Variants in IPO9 observed in about 807,000 individuals in gnomAD.
The protein encoded by IPO9 is importin-9.
Under a neutral mutation model 128.6 loss-of-function variants are expected in IPO9, and 28 were observed. That is an observed-to-expected ratio of 0.22 (90% CI 0.16 to 0.30). The LOEUF is 0.30. Among genes scored for constraint, IPO9 ranks in the 10% least tolerant of loss-of-function variants. The probability of loss-of-function intolerance (pLI) is 1.00; values close to 1 mark genes in which losing one functional copy is unlikely to be tolerated. For missense variants in IPO9, 935 were observed against 1,293.9 expected (o/e 0.72, Z 4.26); for synonymous variants, 455 against 475.8 (o/e 0.96, Z 0.57).
chr1:201,852,909 T>G, intron 5 of IPO9, 102 bp from the exon 6 acceptor site: 5 of 885,688 alleles, frequency 5.6e-6, no homozygotes, highest in African/African-American at 1.6e-5. Context: ...CAATCTCATG[T>G]GAGGATTCAT....
At chr1:201,850,345 A>AGAG (rs1462490661) in intron 4 of IPO9, 1 of 152,264 alleles carries the variant, frequency 6.6e-6, no homozygotes, top group East Asian at 1.9e-4. Context: ...GTGGTTGGAC[A>AGAG]GAGGCCCATT....
chr1:201,860,316 A>G (rs1001161693), intron 13 of IPO9, among the ~76,000 whole-genome samples: 1 of 152,196 alleles, frequency 6.6e-6, no homozygotes, highest in African/African-American at 2.4e-5. Context: ...CTGAATCACA[A>G]ATTAAAATGG....
chr1:201,857,116 C>G lies in IPO9; in HGVS notation c.1143C>G (p.Asn381Lys). Residue 381 changes from asparagine to lysine, a missense_variant, in exon 11 of 24, where the codon AAC becomes AAG. Asn to Lys is a moderately conservative substitution (Grantham distance 94, BLOSUM62 0). This residue lies in a region of IPO9 where 741 missense variants were observed against 1,019.1 expected (regional missense o/e 0.73). Coordinates refer to ENST00000361565, the MANE Select transcript of IPO9 (RefSeq NM_018085.5). ...TTCAGATTAAAGTATGGACAGCCAA[C>G]CCCCAACAATTTGTAGAAGATGAAG... ...TEEQIKVWTA[N>K]PQQFVEDEDD... 6.2e-7 allele frequency: 1 copy of G among 1,611,064 alleles called. No homozygotes were observed. Among genetic ancestry groups the G allele is most frequent in the Non-Finnish European group, 8.5e-7 (1 of 1,177,208 alleles).
chr1:201,861,123 G>T (rs545931268), intron 13 of IPO9, among the ~76,000 whole-genome samples: 22 of 152,096 alleles, frequency 1.4e-4, no homozygotes, highest in Middle Eastern at 3.4e-3. Context: ...CCGAGATTGT[G>T]CCAGTGCGCT....
Position 201,877,567 on chromosome 1 carries a change from A to G in IPO9, c.*1513A>G, listed in dbSNP as rs1349660649. The G allele has an allele frequency of 1.3e-5, 2 of 151,978 alleles. No individual in the cohort carries two copies. The highest frequency in any genetic ancestry group is 2.9e-5 in the Non-Finnish European group (2 of 68,002). The allele number at this position is 151,978 out of a possible 1,614,324, so 9.4% of individuals were successfully genotyped here. On this transcript the variant is annotated 3_prime_UTR_variant, in exon 24 of 24. Coordinates refer to ENST00000361565, the MANE Select transcript of IPO9 (RefSeq NM_018085.5). ...TTCCCCTTTTTTTGGTAGTGCCCAC[A>G]TCTGGTGCCCCATTTTTAATAACCA...
At chr1:201,835,252 C>T (rs1359983954) in intron 1 of IPO9, among the ~76,000 whole-genome samples, 3 of 152,228 alleles carry the variant, frequency 2.0e-5, no homozygotes, top group African/African-American at 7.2e-5. Flanking sequence ...GGAGACCCTT[C>T]AGACCAATAG....
chr1:201,860,648 A>G (rs979202261), intron 13 of IPO9, among the ~76,000 whole-genome samples: 7 of 152,242 alleles, frequency 4.6e-5, no homozygotes, highest in Non-Finnish European at 7.3e-5. Flanking sequence ...ACCTGTAGCT[A>G]AAACCTTTTC....
At chr1:201,854,415 G>T (rs545991513) in intron 6 of IPO9, among the ~76,000 whole-genome samples, 180 bp from the exon 7 acceptor site, 1 of 152,294 alleles carries the variant, frequency 6.6e-6, no homozygotes, top group Non-Finnish European at 1.5e-5. Context: ...TGCAAGTGCT[G>T]GTTAAGGAAA....
At chr1:201,849,089 A>C (rs1342084640) in intron 4 of IPO9, among the ~76,000 whole-genome samples, 1 of 152,244 alleles carries the variant, frequency 6.6e-6, no homozygotes, top group Non-Finnish European at 1.5e-5. Flanking sequence ...TAAGAATTGT[A>C]AAATGGATTT....
At chr1:201,860,450 C>A (rs1680423072) in intron 13 of IPO9, among the ~76,000 whole-genome samples, 1 of 152,162 alleles carries the variant, frequency 6.6e-6, no homozygotes, top group Non-Finnish European at 1.5e-5. Context: ...GAAATCATGT[C>A]TAATCTTTGT....
At chr1:201,850,262 A>T (rs184680891) in intron 4 of IPO9, among the ~76,000 whole-genome samples, 3 of 152,180 alleles carry the variant, frequency 2.0e-5, no homozygotes, top group Non-Finnish European at 4.4e-5. Flanking sequence ...ACTTGCTCCA[A>T]ATATTTTCAA....
chr1:201,846,791 T>G (rs552099488), intron 1 of IPO9, among the ~76,000 whole-genome samples: 2 of 152,310 alleles, frequency 1.3e-5, no homozygotes, highest in Admixed American at 1.3e-4. Flanking sequence ...TGCCTCTGCC[T>G]CCCGAGTAGC....
chr1:201,878,811 G>A lies in IPO9; in HGVS notation c.*2757G>A, dbSNP rs1038514215. The A allele has an allele frequency of 6.6e-6, 1 of 152,184 alleles. No homozygotes were observed. The highest frequency in any genetic ancestry group is 2.1e-4 in the South Asian group (1 of 4,828). 9.4% of individuals were successfully genotyped at this position (152,184 alleles called of 1,614,324 possible). ...TCAGCAGGAAGAAAAAAGATCTGTT[G>A]GAGGCCAGTACATGTTGACAGAAAC... is the stretch of plus-strand genomic sequence containing the variant. On this transcript the variant is annotated 3_prime_UTR_variant, in exon 24 of 24. Transcript: ENST00000361565.
At chr1:201,831,033 C>T (rs1003222245) in intron 1 of IPO9, among the ~76,000 whole-genome samples, 1 of 152,100 alleles carries the variant, frequency 6.6e-6, no homozygotes, top group East Asian at 1.9e-4. Flanking sequence ...GACTGGGTCT[C>T]GCTCTATCGT....
intron 4 of IPO9, 41 bp from the exon 5 acceptor site, chr1:201,852,063 G>A (rs746989169): frequency 1.6e-6 from 2 of 1,235,038 alleles, no homozygotes; most frequent in East Asian, 2.3e-5. Context: ...TCTTTATGAA[G>A]CAGTATTTTT....
chr1:201,841,966 T>G (rs1413274924), intron 1 of IPO9, among the ~76,000 whole-genome samples: 1 of 152,158 alleles, frequency 6.6e-6, no homozygotes, highest in Non-Finnish European at 1.5e-5. Context: ...ATGTGGAGAT[T>G]TCTCCCCACC....
chr1:201,863,311 C>T (rs943189399), intron 13 of IPO9, 137 bp from the exon 14 acceptor site: 2 of 775,864 alleles, frequency 2.6e-6, no homozygotes, highest in Non-Finnish European at 2.0e-6. Flanking sequence ...GAGATCACGC[C>T]ATCGCACTCC....
At chr1:201,874,478 T>C in intron 21 of IPO9, 106 bp downstream of exon 21, 1 of 1,300,748 alleles carries the variant, frequency 7.7e-7, no homozygotes, top group Non-Finnish European at 1.1e-6. Flanking sequence ...AAAAAAAAGT[T>C]GATGGAATGG....
intron 9 of IPO9, 106 bp from the exon 10 acceptor site, chr1:201,855,677 C>T: frequency 9.9e-7 from 1 of 1,011,566 alleles, no homozygotes; most frequent in Non-Finnish European, 1.4e-6. Context: ...TTAGCAAGTA[C>T]TTTAAATATT....
Sources: allele counts gnomAD v4.1 joint callset (sites outside exome capture counted in the v4.1 genomes callset), GRCh38; gene constraint gnomAD v4.1.1; regional missense constraint gnomAD v4.1.1; transcripts MANE v1.5; gene names NCBI Gene and HGNC (gene_info 2026-07-23, HGNC 2026-07-21).